The following GRM5 variants were observed in gnomAD, a reference collection of about 807,000 sequenced individuals.
The protein encoded by GRM5 is glutamate metabotropic receptor 5.
In GRM5, 19 loss-of-function variants were observed where a neutral mutation model predicts 83.1. The observed-to-expected ratio is 0.23, with a 90% CI of 0.16 to 0.34. The LOEUF (loss-of-function observed/expected upper bound fraction) is 0.34. Ranked by LOEUF, GRM5 falls within the 10% of genes least tolerant of loss-of-function variation. The probability of loss-of-function intolerance (pLI) is 1.00; values close to 1 mark genes in which losing one functional copy is unlikely to be tolerated. For missense variants in GRM5, 1,160 were observed against 1,588.3 expected (o/e 0.73, Z 4.58); for synonymous variants, 675 against 633.6 (o/e 1.07, Z -0.98).
At position 88,604,306 on chromosome 11, in the gene GRM5, G is replaced by C. The variant is rs561461940; in HGVS notation, c.1394+412C>G. 1.1e-4 allele frequency among the ~76,000 whole-genome samples: 16 copies of C among 152,242 alleles called. No individual in the cohort carries two copies. The East Asian group carries it at 1.5e-3, about 15-fold the overall frequency. On this transcript the variant is annotated intron_variant, in intron 5 of 9. Coordinates refer to ENST00000305447, the MANE Select transcript of GRM5 (RefSeq NM_001143831.3). ...TGTACGTACAGCAAACAACAGAACA[G>C]AACCTCAGCCCTATTTCTGGATTAC...
At chr11:88,815,457 GTTC>G (rs1055416037) in intron 3 of GRM5, among the ~76,000 whole-genome samples, 30 of 152,058 alleles carry the variant, frequency 2.0e-4, no homozygotes, top group Non-Finnish European at 3.5e-4. Context: ...AAGAAAGAAG[GTTC>G]TTAATTGAGT....
chr11:88,642,281 G>C (rs1482508636), intron 4 of GRM5, among the ~76,000 whole-genome samples: 1 of 152,106 alleles, frequency 6.6e-6, no homozygotes, highest in African/African-American at 2.4e-5. Context: ...ACATTCTGAG[G>C]CTGCAAAGGG....
chr11:88,608,480 C>T (rs1591379095), intron 4 of GRM5, among the ~76,000 whole-genome samples: 2 of 151,412 alleles, frequency 1.3e-5, no homozygotes, highest in Non-Finnish European at 2.9e-5. Context: ...TCTCAAACAC[C>T]ACTCACTAAA....
At chr11:88,637,175 A>G (rs1939152528) in intron 4 of GRM5, among the ~76,000 whole-genome samples, 1 of 152,182 alleles carries the variant, frequency 6.6e-6, no homozygotes, top group African/African-American at 2.4e-5. Context: ...AAAGACTTAA[A>G]CGTTAGACCT....
intron 3 of GRM5, among the ~76,000 whole-genome samples, chr11:88,790,867 T>G (rs1943161085): frequency 6.6e-6 from 1 of 152,160 alleles, no homozygotes. Flanking sequence ...GGGCTGCAAA[T>G]GCAATGACAA....
At chr11:88,569,066 A>G (rs1942931436) in intron 7 of GRM5, among the ~76,000 whole-genome samples, 3 of 152,344 alleles carry the variant, frequency 2.0e-5, no homozygotes, top group African/African-American at 7.2e-5. Context: ...TTGGCTACAC[A>G]CTAGAATCAC....
At chr11:88,943,684 G>A (rs955324286) in intron 2 of GRM5, among the ~76,000 whole-genome samples, 1 of 151,952 alleles carries the variant, frequency 6.6e-6, no homozygotes, top group African/African-American at 2.4e-5. Context: ...TTTAGTATAG[G>A]AGAAATAGCA....
chr11:88,540,252 C>G (rs1942235661), intron 8 of GRM5, among the ~76,000 whole-genome samples: 1 of 152,168 alleles, frequency 6.6e-6, no homozygotes, highest in Non-Finnish European at 1.5e-5. Flanking sequence ...TTAACCCCTC[C>G]TGTCCTATCT....
intron 3 of GRM5, among the ~76,000 whole-genome samples, chr11:88,717,281 A>T (rs960345579): frequency 6.6e-6 from 1 of 151,954 alleles, no homozygotes; most frequent in Non-Finnish European, 1.5e-5. Context: ...TAAACACTAA[A>T]ACATAGGCAA....
At chr11:88,641,384 A>C (rs1388861828) in intron 4 of GRM5, among the ~76,000 whole-genome samples, 2 of 151,864 alleles carry the variant, frequency 1.3e-5, no homozygotes, top group African/African-American at 2.4e-5. Context: ...CACATTACCA[A>C]AATATATTAT....
chr11:88,769,378 T>C (rs1284530107), intron 3 of GRM5, among the ~76,000 whole-genome samples: 2 of 81,286 alleles, frequency 2.5e-5, no homozygotes, highest in African/African-American at 9.5e-5. Context: ...TTCTTTGTTT[T>C]GCCAACTGTT....
intron 4 of GRM5, among the ~76,000 whole-genome samples, chr11:88,607,396 C>T (rs903611396): frequency 4.6e-5 from 7 of 152,186 alleles, no homozygotes; most frequent in African/African-American, 1.4e-4. Context: ...CACTAATCTA[C>T]TTCTACCAGA....
At chr11:88,886,160 CT>C (rs1194053151) in intron 2 of GRM5, among the ~76,000 whole-genome samples, 1 of 152,144 alleles carries the variant, frequency 6.6e-6, no homozygotes, top group African/African-American at 2.4e-5. Context: ...ACCTGTATCT[CT>C]ATAGAGAAAG....
At chr11:88,753,709 T>G (rs755614911) in intron 3 of GRM5, among the ~76,000 whole-genome samples, 25 of 152,134 alleles carry the variant, frequency 1.6e-4, no homozygotes, top group South Asian at 4.2e-4. Flanking sequence ...AAAGAAAATG[T>G]GTTACATAGA....
chr11:88,766,881 A>C (rs531818150), intron 3 of GRM5, among the ~76,000 whole-genome samples: 8 of 152,194 alleles, frequency 5.3e-5, no homozygotes, highest in Non-Finnish European at 1.2e-4. Flanking sequence ...CCCATTAAAA[A>C]ATGGGCAAAG....
In GRM5 at chr11:88,989,797, T is replaced by C. The variant is rs551727646; in HGVS notation, c.661+57415A>G. Among the ~76,000 whole-genome samples the C allele has an allele frequency of 1.1e-4, 17 of 150,370 alleles. 3 individuals are homozygous for C. The highest frequency in any genetic ancestry group is 1.1e-3 in the Admixed American group (16 of 15,090). On this transcript the variant is annotated intron_variant, in intron 2 of 9. Transcript: ENST00000305447. ...AACGAAATGAAGGCAGAAATAAAGA[T>C]GTTCTTTGAAACCAACGAGAACAAA...
intron 2 of GRM5, among the ~76,000 whole-genome samples, chr11:88,852,627 A>T (rs1279450963): frequency 1.3e-5 from 2 of 152,126 alleles, no homozygotes; most frequent in Non-Finnish European, 2.9e-5. Flanking sequence ...CAGGGGGTAT[A>T]TGAAAAATTT....
In GRM5 at chr11:88,509,187, C is replaced by T; in HGVS notation, c.3044G>A (p.Arg1015Gln). 2 of 1,534,190 alleles carry T rather than the reference C, an allele frequency of 1.3e-6. No individual in the cohort carries two copies. The highest frequency in any genetic ancestry group is 1.2e-5 in the South Asian group (1 of 83,078). Residue 1015 changes from arginine to glutamine, a missense_variant, in exon 10 of 10, where the codon CGG (arginine) becomes CAG (glutamine). Physicochemically the swap from Arg to Gln is conservative, Grantham distance 43 (BLOSUM62 1). This residue lies in a region of GRM5 where 562 missense variants were observed against 532.4 expected (regional missense o/e 1.06). Coordinates refer to ENST00000305447, the MANE Select transcript of GRM5 (RefSeq NM_001143831.3). ...EAEEHFPAPA[R>Q]PRSPSPISTL... ...GCTGATGGGCGACGGTGAGCGCGGC[C>T]GCGCGGGCGCCGGGAAGTGCTCCTC...
In GRM5 at chr11:89,047,467, A is replaced by G. The variant is rs754338771; in HGVS notation, c.406T>C (p.Ser136Pro). The change falls in exon 2 of 10, where the codon TCC (serine) becomes CCC (proline). Residue 136 changes from serine (S) to proline (P), a missense_variant. Around this residue, in one of 9 missense-constraint regions of GRM5, gnomAD observed 39 missense variants for 36.7 expected, o/e 1.06. Coordinates refer to ENST00000305447, the MANE Select transcript of GRM5 (RefSeq NM_001143831.3). This position sits in a 1 kb window ranked among gnomAD's most constrained non-coding sequence, Gnocchi z 5.1. ...ACTATGGGCTTCTTGGAGCGGAAGG[A>G]AGAGGAGGAGCCATCCACACAGCGT... ...LVRCVDGSSS[S>P]FRSKKPIVGV... The G allele has an allele frequency of 1.2e-6, 2 of 1,614,170 alleles. No homozygotes were observed. Among genetic ancestry groups the G allele is most frequent in the Non-Finnish European group, 1.7e-6 (2 of 1,180,022 alleles).
Sources: allele counts gnomAD v4.1 joint callset (sites outside exome capture counted in the v4.1 genomes callset), GRCh38; gene constraint gnomAD v4.1.1; regional missense constraint gnomAD v4.1.1; non-coding constraint Gnocchi (gnomAD v3.1); transcripts MANE v1.5; gene names NCBI Gene and HGNC (gene_info 2026-07-23, HGNC 2026-07-21).